PCDH15: variants seen among roughly 807,000 people sequenced by gnomAD.
PCDH15 encodes the protein protocadherin related 15.
PCDH15 carries 129 observed loss-of-function variants against 178.5 expected under a neutral mutation model. That is an observed-to-expected ratio of 0.72 (90% confidence interval 0.63 to 0.84). The LOEUF is 0.84. PCDH15 is among the 40% of genes least tolerant of loss of function. PCDH15 has a pLI of 0.00. For synonymous variants in PCDH15, 800 were observed against 732.0 expected (o/e 1.09, Z -1.50); for missense variants, 2,230 against 2,099.9 (o/e 1.06, Z -1.21).
chr10:55,139,547 T>G (rs2132086868), intron 2 of PCDH15, among the ~76,000 whole-genome samples: 1 of 152,230 alleles, frequency 6.6e-6, no homozygotes, highest in Admixed American at 6.5e-5. Flanking sequence ...GTTGAAAAGC[T>G]ATCTTTTCTT....
chr10:54,291,206 C>A (rs2059382872), intron 8 of PCDH15, among the ~76,000 whole-genome samples: 1 of 152,094 alleles, frequency 6.6e-6, no homozygotes, highest in Non-Finnish European at 1.5e-5. Context: ...ACTGAAAAAC[C>A]TGCTCCTGAA....
chr10:54,847,823 A>G (rs1175237710), intron 3 of PCDH15, among the ~76,000 whole-genome samples: 2 of 152,210 alleles, frequency 1.3e-5, no homozygotes, highest in South Asian at 2.1e-4. Context: ...ATTACAAATG[A>G]GAATACTGAT....
intron 1 of PCDH15, among the ~76,000 whole-genome samples, chr10:54,751,427 T>C (rs970521795): frequency 6.6e-6 from 1 of 152,164 alleles, no homozygotes; most frequent in African/African-American, 2.4e-5. Flanking sequence ...CACAAACAGA[T>C]GGCACCTGCT....
At chr10:54,462,946 A>G (rs547027801) in intron 3 of PCDH15, among the ~76,000 whole-genome samples, 3 of 152,124 alleles carry the variant, frequency 2.0e-5, no homozygotes, top group South Asian at 2.1e-4. Flanking sequence ...AACACTAAAA[A>G]TGTTTACATC....
In PCDH15 at chr10:54,939,246, G is replaced by A. The variant is rs186842189; in HGVS notation, c.-79-41746C>T. ...GTGGTGGCTCACGCCCGTAATCCCA[G>A]TACTTTGGGAGGCTGAGGTGGGTGG... On this transcript the variant is annotated intron_variant, in intron 2 of 5. Transcript: ENST00000458638. Among the ~76,000 whole-genome samples the A allele has an allele frequency of 7.0e-4, 107 of 151,984 alleles. 1 individual carries two copies. Among genetic ancestry groups the A allele is most frequent in the Non-Finnish European group, 1.2e-3 (82 of 67,954 alleles).
chr10:55,401,067 A>C (rs1289173097), intron 2 of PCDH15, among the ~76,000 whole-genome samples: 1 of 152,094 alleles, frequency 6.6e-6, no homozygotes, highest in Non-Finnish European at 1.5e-5. Context: ...TTAAGTAGAC[A>C]TTTTATGGGT....
intron 2 of PCDH15, among the ~76,000 whole-genome samples, chr10:55,464,716 A>ATG (rs1030339693): frequency 4.0e-5 from 6 of 148,210 alleles, no homozygotes; most frequent in Non-Finnish European, 1.5e-5. Context: ...ATATATACTT[A>ATG]TGTGTGTGTA....
chr10:54,351,074 A>C (rs1372975915), intron 5 of PCDH15, among the ~76,000 whole-genome samples: 2 of 151,886 alleles, frequency 1.3e-5, no homozygotes, highest in Non-Finnish European at 2.9e-5. Context: ...ACTGCACTCC[A>C]GCCTGGGGCG....
chr10:54,997,157 A>G (rs1261491236), intron 2 of PCDH15, among the ~76,000 whole-genome samples: 2 of 152,086 alleles, frequency 1.3e-5, no homozygotes, highest in South Asian at 2.1e-4. Context: ...TGCACCCAAA[A>G]TATTGGTACA....
intron 3 of PCDH15, among the ~76,000 whole-genome samples, chr10:54,472,218 T>C (rs1032325670): frequency 4.6e-5 from 7 of 152,156 alleles, no homozygotes; most frequent in African/African-American, 1.7e-4. Flanking sequence ...TTTTAACATG[T>C]TTCCCCTAAA....
intron 2 of PCDH15, among the ~76,000 whole-genome samples, chr10:55,163,905 A>G (rs1182717612): frequency 6.6e-6 from 1 of 152,192 alleles, no homozygotes; most frequent in African/African-American, 2.4e-5. Context: ...ACTGTTAAGT[A>G]TACTCAGTTA....
chr10:54,013,458 C>T (rs1199475081), intron 20 of PCDH15, among the ~76,000 whole-genome samples: 1 of 152,124 alleles, frequency 6.6e-6, no homozygotes, highest in African/African-American at 2.4e-5. Flanking sequence ...AATATACATA[C>T]TTCTCATCAC....
intron 1 of PCDH15, among the ~76,000 whole-genome samples, chr10:55,225,209 A>G (rs1840993874): frequency 6.6e-6 from 1 of 152,094 alleles, no homozygotes. Context: ...ATAAATGAAC[A>G]AGCAACATCT....
At chr10:54,652,266 C>T (rs1482594996) in intron 2 of PCDH15, among the ~76,000 whole-genome samples, 1 of 152,136 alleles carries the variant, frequency 6.6e-6, no homozygotes, top group Non-Finnish European at 1.5e-5. Flanking sequence ...TCTTCTGTGT[C>T]CATTCTTAGC....
At chr10:55,203,778 A>G (rs1300986433) in intron 1 of PCDH15, among the ~76,000 whole-genome samples, 1 of 152,128 alleles carries the variant, frequency 6.6e-6, no homozygotes, top group South Asian at 2.1e-4. Context: ...GCCTGGGATA[A>G]AGATGATTTC....
intron 2 of PCDH15, among the ~76,000 whole-genome samples, chr10:55,537,683 G>A (rs766032090): frequency 2.0e-5 from 3 of 151,902 alleles, no homozygotes; most frequent in Non-Finnish European, 2.9e-5. Context: ...ATCCACCCCC[G>A]TCGGCCTGCC....
At chr10:54,436,855 G>C (rs2136095378) in intron 3 of PCDH15, among the ~76,000 whole-genome samples, 1 of 152,240 alleles carries the variant, frequency 6.6e-6, no homozygotes, top group East Asian at 1.9e-4. Flanking sequence ...AAAATGCAAA[G>C]CATGAGTTTA....
intron 2 of PCDH15, among the ~76,000 whole-genome samples, chr10:54,603,909 G>A (rs577727126): frequency 6.6e-6 from 1 of 152,004 alleles, no homozygotes; most frequent in South Asian, 2.1e-4. Context: ...AAACAGATTG[G>A]GCCCAGTTGC....
At chr10:54,269,987 G>A (rs1403875247) in intron 8 of PCDH15, among the ~76,000 whole-genome samples, 1 of 151,858 alleles carries the variant, frequency 6.6e-6, no homozygotes, top group Non-Finnish European at 1.5e-5. Flanking sequence ...GTTACCTGAA[G>A]TAAATTATTA....
Sources: allele counts gnomAD v4.1 joint callset (sites outside exome capture counted in the v4.1 genomes callset), GRCh38; gene constraint gnomAD v4.1.1; transcripts MANE v1.5; gene names NCBI Gene and HGNC (gene_info 2026-07-23, HGNC 2026-07-21).